DOCK5: variants seen among roughly 807,000 people sequenced by gnomAD.
DOCK5 encodes dedicator of cytokinesis protein 5.
A neutral mutation model predicts 251.8 loss-of-function variants in DOCK5; 142 were observed. That is an observed-to-expected ratio of 0.56 (90% CI 0.49 to 0.65). The LOEUF is 0.65. DOCK5 is among the 30% of genes least tolerant of loss of function. The probability of loss-of-function intolerance (pLI) is 0.00; values close to 1 mark genes in which losing one functional copy is unlikely to be tolerated. For synonymous variants in DOCK5, 842 were observed against 835.5 expected (o/e 1.01, Z -0.13); for missense variants, 2,111 against 2,312.3 (o/e 0.91, Z 1.79).
intron 28 of DOCK5, among the ~76,000 whole-genome samples, chr8:25,359,981 AG>A (rs1158966653): frequency 3.9e-5 from 6 of 152,196 alleles, no homozygotes; most frequent in African/African-American, 7.2e-5. Context: ...ACGTCCATGA[AG>A]GTGTTATTAG....
intron 26 of DOCK5, among the ~76,000 whole-genome samples, chr8:25,346,518 C>A (rs1214873611): frequency 1.3e-5 from 2 of 151,508 alleles, no homozygotes; most frequent in African/African-American, 4.8e-5. Context: ...ACCTGGCCCC[C>A]ATCCCTCTTG....
chr8:25,218,359 G>T (rs1253778738), intron 1 of DOCK5, among the ~76,000 whole-genome samples: 3 of 152,176 alleles, frequency 2.0e-5, no homozygotes, highest in Non-Finnish European at 4.4e-5. Context: ...GCCCGGGGTG[G>T]CCGCAGAGCT....
Position 25,408,810 on chromosome 8 carries a change from C to T in DOCK5, c.5274C>T (p.Thr1758=). The T allele has an allele frequency of 6.2e-7, 1 of 1,613,952 alleles. No individual in the cohort carries two copies. The highest frequency in any genetic ancestry group is 2.2e-5 in the East Asian group (1 of 44,876). Reference sequence around the variant, plus strand: ...TTTCTCTCTGGTCCTAGAGCCCAACCAGAAAAGCACAAAGGCCAAAGAGTC... The same window carrying T: ...TTTCTCTCTGGTCCTAGAGCCCAACTAGAAAAGCACAAAGGCCAAAGAGTC... ...KAPEPDLMSP[T]RKAQRPKSLQ... is the part of the protein sequence containing the mutation. Residue 1758 remains threonine (T), a synonymous_variant, in exon 50 of 52, where the codon ACC becomes ACT. Coordinates refer to ENST00000276440, the MANE Select transcript of DOCK5 (RefSeq NM_024940.8).
intron 1 of DOCK5, among the ~76,000 whole-genome samples, chr8:25,189,316 C>A (rs1586213061): frequency 6.6e-6 from 1 of 152,192 alleles, no homozygotes; most frequent in Admixed American, 6.5e-5. Flanking sequence ...CCTTAAGCCT[C>A]CCATGTTGCT....
intron 44 of DOCK5, among the ~76,000 whole-genome samples, chr8:25,394,478 T>G (rs2709646): frequency 0.52 from 78,839 of 151,718 alleles, 22,174 homozygotes; most frequent in East Asian, 0.63. Context: ...CTATTATTTC[T>G]GACTTCTGAT....
intron 33 of DOCK5, 147 bp downstream of exon 33, chr8:25,368,872 A>G (rs768614124): frequency 2.9e-6 from 3 of 1,031,176 alleles, no homozygotes; most frequent in East Asian, 5.5e-5. Flanking sequence ...TTATAAAGCA[A>G]TTAGAGATAG....
intron 18 of DOCK5, among the ~76,000 whole-genome samples, chr8:25,326,747 A>G (rs1805573527): frequency 6.6e-6 from 1 of 152,166 alleles, no homozygotes; most frequent in Admixed American, 6.5e-5. Flanking sequence ...GTAAACAATG[A>G]GAGATGGACA....
intron 14 of DOCK5, among the ~76,000 whole-genome samples, chr8:25,317,767 C>G (rs779590741): frequency 1.3e-5 from 2 of 152,174 alleles, no homozygotes; most frequent in South Asian, 4.1e-4. Flanking sequence ...CCCACCACCA[C>G]GCCCGGCTAA....
intron 2 of DOCK5, among the ~76,000 whole-genome samples, chr8:25,265,289 G>A (rs547910709): frequency 6.6e-6 from 1 of 152,058 alleles, no homozygotes; most frequent in Admixed American, 6.5e-5. Flanking sequence ...GGTGCCCAGG[G>A]TTGAGAACCA....
intron 1 of DOCK5, among the ~76,000 whole-genome samples, chr8:25,213,985 G>A (rs552911724): frequency 3.3e-5 from 5 of 152,106 alleles, no homozygotes; most frequent in African/African-American, 7.2e-5. Context: ...CTTGGGGATG[G>A]GACCCAAGTC....
intron 1 of DOCK5, among the ~76,000 whole-genome samples, chr8:25,240,279 A>T (rs973813521): frequency 2.7e-4 from 38 of 139,688 alleles, no homozygotes; most frequent in African/African-American, 1.1e-3. Context: ...AATCTACTTA[A>T]AAAAAAAAAA....
intron 1 of DOCK5, among the ~76,000 whole-genome samples, chr8:25,210,528 C>A (rs543136796): frequency 1.5e-5 from 1 of 68,946 alleles, no homozygotes; most frequent in African/African-American, 3.3e-5. Context: ...TTTGGGAGGC[C>A]AAGGTGGATG....
At chr8:25,401,398 T>C (rs752661142) in intron 47 of DOCK5, among the ~76,000 whole-genome samples, 3 of 152,122 alleles carry the variant, frequency 2.0e-5, no homozygotes, top group Non-Finnish European at 4.4e-5. Flanking sequence ...CCGGGTGATA[T>C]TGATGCTGCT....
At position 25,216,034 on chromosome 8, in the gene DOCK5, GTGTATACAATATGTATATA is replaced by G. The variant is rs1220782719; in HGVS notation, c.44-27625_44-27607del. On this transcript the variant is annotated intron_variant, in intron 1 of 51. Transcript: ENST00000276440. ...ATATATGTATACAACATGTATATAC[GTGTATACAATATGTATATA>G]TGTATACAATATGTCTATACGTGTA... Among the ~76,000 whole-genome samples the G allele has an allele frequency of 4.0e-5, 6 of 150,258 alleles. No individual in the cohort carries two copies. The East Asian group carries it at 5.9e-4, about 15-fold the overall frequency.
At chr8:25,198,936 T>C (rs1312694334) in intron 1 of DOCK5, among the ~76,000 whole-genome samples, 5 of 152,210 alleles carry the variant, frequency 3.3e-5, no homozygotes, top group African/African-American at 9.6e-5. Context: ...GGTTTTGTTA[T>C]AAGTAAGGTT....
chr8:25,266,626 CAT>C (rs1354779677), intron 2 of DOCK5, among the ~76,000 whole-genome samples: 1 of 151,982 alleles, frequency 6.6e-6, no homozygotes, highest in Non-Finnish European at 1.5e-5. Flanking sequence ...AATGAGCAAA[CAT>C]ATTTGTGAAC....
At chr8:25,288,451 T>A (rs1804400398) in intron 5 of DOCK5, among the ~76,000 whole-genome samples, 1 of 152,210 alleles carries the variant, frequency 6.6e-6, no homozygotes, top group Non-Finnish European at 1.5e-5. Context: ...GGGGACAAAG[T>A]TGGCAGACAA....
chr8:25,295,963 G>A (rs184300043), intron 6 of DOCK5, among the ~76,000 whole-genome samples: 1 of 152,116 alleles, frequency 6.6e-6, no homozygotes, highest in East Asian at 1.9e-4. Context: ...GAGACTACAG[G>A]CGTGTGCTAC....
At position 25,230,923 on chromosome 8, in the gene DOCK5, C is replaced by G. The variant is rs576132134; in HGVS notation, c.44-12751C>G. ...TGAAGAAGAACAGTAGCAAAAGTACCTACATATCCCTGTCAAATGAATTGC... is the reference window on the plus strand; with the variant it reads ...TGAAGAAGAACAGTAGCAAAAGTACGTACATATCCCTGTCAAATGAATTGC... On this transcript the variant is annotated intron_variant, in intron 1 of 51. Transcript: ENST00000276440. 5.3e-5 allele frequency among the ~76,000 whole-genome samples: 8 copies of G among 152,150 alleles called. No individual in the cohort carries two copies. In the East Asian group the frequency reaches 1.5e-3, roughly 29 times the overall value.
Sources: gnomAD v4.1 joint callset for allele counts (sites outside exome capture counted in the v4.1 genomes callset) on GRCh38, gnomAD v4.1.1 for gene constraint, MANE v1.5 for transcripts, NCBI Gene and HGNC (gene_info 2026-07-23, HGNC 2026-07-21) for gene names.